XKR4: variants seen among roughly 807,000 people sequenced by gnomAD.
The protein encoded by XKR4 is XK-related protein 4.
In XKR4, 12 loss-of-function variants were observed where a neutral mutation model predicts 53.9. The ratio of observed to expected loss-of-function variants is 0.22; its 90% CI spans 0.14 to 0.36. XKR4 has a LOEUF of 0.36. Among genes scored for constraint, XKR4 ranks in the 10% least tolerant of loss-of-function variants. The pLI is 1.00. For synonymous variants in XKR4, 354 were observed against 362.4 expected, an observed-to-expected ratio of 0.98 and a Z score of 0.26; for missense variants, 799 against 859.5, an observed-to-expected ratio of 0.93 and a Z score of 0.88.
chr8:55,432,832 A>G (rs1223785240), intron 2 of XKR4, among the ~76,000 whole-genome samples: 1 of 150,630 alleles, frequency 6.6e-6, no homozygotes, highest in East Asian at 2.0e-4. Flanking sequence ...CTTTCCTTCT[A>G]CACTAGAGGA....
intron 1 of XKR4, among the ~76,000 whole-genome samples, chr8:55,314,158 G>A (rs568555327): frequency 1.3e-5 from 2 of 152,246 alleles, no homozygotes; most frequent in South Asian, 4.1e-4. Flanking sequence ...ACCTTGGCTG[G>A]CTTGTGAACT....
chr8:55,343,385 C>T (rs1242249575), intron 1 of XKR4, among the ~76,000 whole-genome samples: 1 of 152,294 alleles, frequency 6.6e-6, no homozygotes, highest in Admixed American at 6.5e-5. Context: ...TTTCCAGAAA[C>T]ATTCCCACCA....
At chr8:55,334,721 G>A (rs564679460) in intron 1 of XKR4, among the ~76,000 whole-genome samples, 6 of 152,254 alleles carry the variant, frequency 3.9e-5, no homozygotes, top group South Asian at 2.1e-4. Context: ...TATGGGTGCA[G>A]GTGTACACAT....
intron 1 of XKR4, among the ~76,000 whole-genome samples, chr8:55,149,025 G>A (rs1287706037): frequency 6.6e-6 from 1 of 152,198 alleles, no homozygotes; most frequent in Non-Finnish European, 1.5e-5. Flanking sequence ...ATGCTGCTCA[G>A]GAAACACATT....
At chr8:55,172,060 A>G (rs763274726) in intron 1 of XKR4, among the ~76,000 whole-genome samples, 1 of 152,088 alleles carries the variant, frequency 6.6e-6, no homozygotes, top group Non-Finnish European at 1.5e-5. Flanking sequence ...CTAAAAATAC[A>G]AAAATTAGCT....
chr8:55,325,656 T>C (rs1803281253), intron 1 of XKR4, among the ~76,000 whole-genome samples: 1 of 152,192 alleles, frequency 6.6e-6, no homozygotes, highest in Admixed American at 6.5e-5. Flanking sequence ...TTATTTTTTC[T>C]TTCCTAAATA....
intron 1 of XKR4, among the ~76,000 whole-genome samples, chr8:55,211,391 GA>G (rs1477543051): frequency 6.6e-6 from 1 of 152,190 alleles, no homozygotes; most frequent in Non-Finnish European, 1.5e-5. Context: ...TTGTCAAAAT[GA>G]CCATTGCACA....
chr8:55,445,507 A>G (rs1411247309), intron 2 of XKR4, among the ~76,000 whole-genome samples: 1 of 152,210 alleles, frequency 6.6e-6, no homozygotes, highest in East Asian at 1.9e-4. Context: ...TCCTGAACTA[A>G]GGAAAACTCG....
chr8:55,131,901 T>G (rs74664359), intron 1 of XKR4, among the ~76,000 whole-genome samples: 1 of 152,322 alleles, frequency 6.6e-6, no homozygotes, highest in South Asian at 2.1e-4. Context: ...ACAGTGAGCA[T>G]GCTGTTTACA....
chr8:55,436,139 G>A (rs148797039), intron 2 of XKR4, among the ~76,000 whole-genome samples: 15 of 152,018 alleles, frequency 9.9e-5, no homozygotes, highest in African/African-American at 2.9e-4. Context: ...CTTATGATTG[G>A]GTTTCAAAGT....
At chr8:55,382,258 G>T (rs1804245329) in intron 2 of XKR4, among the ~76,000 whole-genome samples, 1 of 152,202 alleles carries the variant, frequency 6.6e-6, no homozygotes, top group Non-Finnish European at 1.5e-5. Context: ...AATGAAAGTA[G>T]TCATTGACCT....
chr8:55,501,500 C>T (rs1473280220), intron 2 of XKR4, among the ~76,000 whole-genome samples: 2 of 152,080 alleles, frequency 1.3e-5, no homozygotes, highest in Non-Finnish European at 2.9e-5. Flanking sequence ...ATTCAACTTT[C>T]TATCTCTATG....
At chr8:55,506,727 G>A (rs1484499908) in intron 2 of XKR4, among the ~76,000 whole-genome samples, 27 of 152,150 alleles carry the variant, frequency 1.8e-4, no homozygotes, top group Non-Finnish European at 4.0e-4. Flanking sequence ...TCAACTCAGA[G>A]ATGAAAAGTC....
At chr8:55,140,540 G>A (rs569376050) in intron 1 of XKR4, among the ~76,000 whole-genome samples, 1 of 152,360 alleles carries the variant, frequency 6.6e-6, no homozygotes, top group Admixed American at 6.5e-5. Flanking sequence ...CCATGATGCA[G>A]TTATTCTTCG....
intron 1 of XKR4, among the ~76,000 whole-genome samples, chr8:55,139,388 T>C (rs1286184241): frequency 6.6e-6 from 1 of 151,870 alleles, no homozygotes; most frequent in African/African-American, 2.4e-5. Context: ...ACAAAAATTA[T>C]CTGGATGCGG....
intron 2 of XKR4, among the ~76,000 whole-genome samples, chr8:55,512,817 G>T (rs1225595571): frequency 6.6e-6 from 1 of 152,094 alleles, no homozygotes; most frequent in Non-Finnish European, 1.5e-5. Context: ...TCTCTCTGGG[G>T]TCTCTCCTTG....
At chr8:55,238,933 CTCTA>C (rs972114976) in intron 1 of XKR4, among the ~76,000 whole-genome samples, 4 of 152,156 alleles carry the variant, frequency 2.6e-5, no homozygotes, top group African/African-American at 9.7e-5. Flanking sequence ...CAACTCAGTT[CTCTA>C]TCTATCTGAC....
intron 1 of XKR4, among the ~76,000 whole-genome samples, chr8:55,251,335 G>T (rs553962689): frequency 3.5e-4 from 53 of 152,346 alleles, no homozygotes; most frequent in Non-Finnish European, 6.3e-4. Flanking sequence ...TTAAGGTCAA[G>T]ATTAACGGAG....
At chr8:55,486,123 A>G (rs998663360) in intron 2 of XKR4, among the ~76,000 whole-genome samples, 6 of 152,206 alleles carry the variant, frequency 3.9e-5, no homozygotes, top group African/African-American at 7.2e-5. Flanking sequence ...TATAAGAGCT[A>G]TGAAGAGATG....
Sources: allele counts gnomAD v4.1 joint callset (sites outside exome capture counted in the v4.1 genomes callset), GRCh38; gene constraint gnomAD v4.1.1; transcripts MANE v1.5; gene names NCBI Gene and HGNC (gene_info 2026-07-23, HGNC 2026-07-21).